The following PITPNM3 variants were observed in gnomAD, a reference collection of about 807,000 sequenced individuals.
PITPNM3 encodes the protein membrane-associated phosphatidylinositol transfer protein 3.
In PITPNM3, 26 loss-of-function variants were observed where a neutral mutation model predicts 102.0. That is an observed-to-expected ratio of 0.25 (90% CI 0.19 to 0.35). The LOEUF is 0.35. Ranked by LOEUF, PITPNM3 falls within the 10% of genes least tolerant of loss-of-function variation. The pLI is 1.00. For missense variants in PITPNM3, 1,083 were observed against 1,346.1 expected, an observed-to-expected ratio of 0.80 and a Z score of 3.06; for synonymous variants, 578 against 558.6, an observed-to-expected ratio of 1.03 and a Z score of -0.49.
chr17:6,547,006 C>CA (rs534428306), intron 1 of PITPNM3, among the ~76,000 whole-genome samples: 5,136 of 136,138 alleles, frequency 0.038, 138 homozygotes, highest in South Asian at 0.12. Context: ...GACTCCGTCT[C>CA]AAAAAAAAAA....
intron 4 of PITPNM3, among the ~76,000 whole-genome samples, chr17:6,501,650 G>A (rs1164674224): frequency 6.6e-6 from 1 of 152,098 alleles, no homozygotes; most frequent in African/African-American, 2.4e-5. Context: ...GGGGGGCTCA[G>A]TCCACTCTGC....
rs922883976 is a variant in PITPNM3 at position 6,477,965 on chromosome 17, C to T, written c.900+10G>A. Reference sequence around the variant, plus strand: ...CATACCCCTCCCGCGGTCCTGTCCCCCGGCTGTACCTGGGTGCTGCTGATG... The same window carrying T: ...CATACCCCTCCCGCGGTCCTGTCCCTCGGCTGTACCTGGGTGCTGCTGATG... On this transcript the variant is annotated intron_variant, in intron 8 of 19. Coordinates refer to ENST00000262483, the MANE Select transcript of PITPNM3 (RefSeq NM_031220.4). 6.2e-7 allele frequency: 1 copy of T among 1,611,960 alleles called. No homozygotes were observed. The highest frequency in any genetic ancestry group is 2.2e-5 in the East Asian group (1 of 44,882).
chr17:6,541,412 C>T (rs1160692774), intron 1 of PITPNM3, among the ~76,000 whole-genome samples: 1 of 151,788 alleles, frequency 6.6e-6, no homozygotes, highest in Non-Finnish European at 1.5e-5. Context: ...AGGGTAAATT[C>T]CCGTATGAGC....
chr17:6,506,558 G>A (rs1907522292), intron 3 of PITPNM3, among the ~76,000 whole-genome samples: 2 of 152,146 alleles, frequency 1.3e-5, no homozygotes, highest in African/African-American at 4.8e-5. Flanking sequence ...TTTTAGTAAA[G>A]ATGGGGTTTT....
At chr17:6,524,371 G>C (rs1458033768) in intron 3 of PITPNM3, among the ~76,000 whole-genome samples, 2 of 152,166 alleles carry the variant, frequency 1.3e-5, no homozygotes, top group Non-Finnish European at 2.9e-5. Context: ...AAACCAACTT[G>C]AGGGTAACAG....
chr17:6,481,875 GA>G (rs1905716142), intron 6 of PITPNM3: 1 of 140,428 alleles, frequency 7.1e-6, no homozygotes. Flanking sequence ...GAGAGAGAGA[GA>G]GAGAGAGAGA....
intron 9 of PITPNM3, 142 bp downstream of exon 9, chr17:6,476,887 C>T: frequency 9.4e-7 from 1 of 1,062,370 alleles, no homozygotes. Context: ...CAGTACAGGG[C>T]CGATGGCGAG....
At chr17:6,511,536 T>C (rs1461411773) in intron 3 of PITPNM3, among the ~76,000 whole-genome samples, 2 of 152,024 alleles carry the variant, frequency 1.3e-5, no homozygotes, top group East Asian at 1.9e-4. Flanking sequence ...AAAATGAAAA[T>C]GTGGGTCCCT....
Position 6,470,274 on chromosome 17 carries a change from A to G in PITPNM3, c.1759T>C (p.Phe587Leu), listed in dbSNP as rs899908498. The change falls in exon 13 of 20, where the codon TTC (phenylalanine) becomes CTC (leucine). Residue 587 changes from phenylalanine (F) to leucine (L), a missense_variant. Physicochemically the swap from Phe to Leu is conservative, Grantham distance 22. Around this residue, in one of 5 missense-constraint regions of PITPNM3, gnomAD observed 410 missense variants for 638.4 expected, o/e 0.64. Transcript: ENST00000262483. This position sits in a 1 kb window ranked among gnomAD's most constrained non-coding sequence, Gnocchi z 4.8. Reference protein sequence around the residue: ...SYWESTDVVAFILRQVMRYES... With the variant: ...SYWESTDVVALILRQVMRYES... The stretch of plus-strand genomic sequence containing the variant: ...GGCAGCAGTACCTGTCTCAGGATGA[A>G]GGCCACCACGTCTGTGGACTCCCAG... The G allele has an allele frequency of 6.2e-7, 1 of 1,609,632 alleles. No individual in the cohort carries two copies. The highest frequency in any genetic ancestry group is 1.3e-5 in the African/African-American group (1 of 75,034).
intron 1 of PITPNM3, among the ~76,000 whole-genome samples, chr17:6,541,310 T>TGTGTGC (rs1264497691): frequency 6.6e-6 from 1 of 151,678 alleles, no homozygotes; most frequent in African/African-American, 2.4e-5. Context: ...TGTGTGTGTG[T>TGTGTGC]GTGTGTATGC....
At position 6,537,704 on chromosome 17, in the gene PITPNM3, T is replaced by C. The variant is rs986825863; in HGVS notation, c.118+283A>G. Among the ~76,000 whole-genome samples, 1 of 152,218 alleles carries C rather than the reference T, an allele frequency of 6.6e-6. No individual in the cohort carries two copies. The highest frequency in any genetic ancestry group is 2.4e-5 in the African/African-American group (1 of 41,456). ...GATGTCTGCCTCTCCTGCAAGGCTA[T>C]AAGTATGATGAGAGCAGCAATGTGA... On this transcript the variant is annotated intron_variant, in intron 2 of 19. Coordinates refer to ENST00000262483, the MANE Select transcript of PITPNM3 (RefSeq NM_031220.4). The surrounding 1 kb of genome is among the most constrained non-coding windows in gnomAD (Gnocchi z 4.4).
intron 14 of PITPNM3, among the ~76,000 whole-genome samples, chr17:6,466,167 C>G (rs931166184): frequency 2.6e-5 from 4 of 152,232 alleles, no homozygotes; most frequent in Admixed American, 1.3e-4. Flanking sequence ...TCCCGCCCCC[C>G]ACACTGGCTC....
chr17:6,532,164 TC>T (rs1326668257), intron 2 of PITPNM3, among the ~76,000 whole-genome samples: 4 of 151,048 alleles, frequency 2.6e-5, no homozygotes, highest in Non-Finnish European at 4.4e-5. Flanking sequence ...CGCTGGCTGT[TC>T]CCACTGTCTA....
chr17:6,543,867 G>A (rs1368498388), intron 1 of PITPNM3, among the ~76,000 whole-genome samples: 1 of 152,224 alleles, frequency 6.6e-6, no homozygotes, highest in African/African-American at 2.4e-5. Flanking sequence ...GGGTGGGCAG[G>A]GTTGGCCAGG....
intron 3 of PITPNM3, among the ~76,000 whole-genome samples, chr17:6,508,288 C>T (rs1047974140): frequency 2.6e-5 from 4 of 152,236 alleles, no homozygotes; most frequent in African/African-American, 7.2e-5. Context: ...AAGGCTGCAC[C>T]TGGGCACGCA....
At chr17:6,534,131 T>C (rs1023745142) in intron 2 of PITPNM3, among the ~76,000 whole-genome samples, 3 of 152,210 alleles carry the variant, frequency 2.0e-5, no homozygotes, top group African/African-American at 7.2e-5. Flanking sequence ...TTACCCTGCA[T>C]CTTCCAACCT....
chr17:6,464,996 A>C (rs1206009887), intron 14 of PITPNM3, among the ~76,000 whole-genome samples: 1 of 152,118 alleles, frequency 6.6e-6, no homozygotes. Context: ...GCTTCCTGCC[A>C]TTGTACGTTT....
At chr17:6,475,953 T>A (rs188470545) in intron 9 of PITPNM3, among the ~76,000 whole-genome samples, 1 of 152,322 alleles carries the variant, frequency 6.6e-6, no homozygotes, top group Non-Finnish European at 1.5e-5. Flanking sequence ...TCCATCCAAA[T>A]ATAATCACCC....
At chr17:6,495,435 G>C (rs917738653) in intron 4 of PITPNM3, among the ~76,000 whole-genome samples, 8 of 152,158 alleles carry the variant, frequency 5.3e-5, no homozygotes, top group African/African-American at 1.9e-4. Flanking sequence ...AGGGTGAAAA[G>C]AGATCCTCAC....
Sources: gnomAD v4.1 joint callset for allele counts (sites outside exome capture counted in the v4.1 genomes callset) on GRCh38, gnomAD v4.1.1 for gene constraint, gnomAD v4.1.1 regional missense constraint, Gnocchi (gnomAD v3.1) non-coding constraint, MANE v1.5 for transcripts, NCBI Gene and HGNC (gene_info 2026-07-23, HGNC 2026-07-21) for gene names.